The following NR1H4 variants were observed in gnomAD, a reference collection of about 807,000 sequenced individuals.
NR1H4 encodes nuclear receptor subfamily 1 group H member 4.
Under a neutral mutation model 58.5 loss-of-function variants are expected in NR1H4, and 23 were observed. That is an observed-to-expected ratio of 0.39 (90% CI 0.28 to 0.56). The LOEUF (loss-of-function observed/expected upper bound fraction) is 0.56. Ranked by LOEUF, NR1H4 falls within the 20% of genes least tolerant of loss-of-function variation. NR1H4 has a pLI of 0.58. For missense variants in NR1H4, 487 were observed against 576.9 expected (o/e 0.84, Z 1.60); for synonymous variants, 214 against 198.0 (o/e 1.08, Z -0.68).
intron 1 of NR1H4, among the ~76,000 whole-genome samples, chr12:100,474,875 T>C (rs778003082): frequency 2.6e-5 from 4 of 152,258 alleles, no homozygotes; most frequent in Non-Finnish European, 5.9e-5. Flanking sequence ...TATAAAGAAA[T>C]CTGATGCTGT....
intron 3 of NR1H4, among the ~76,000 whole-genome samples, chr12:100,493,849 A>G (rs1242123206): frequency 6.6e-6 from 1 of 152,200 alleles, no homozygotes; most frequent in Non-Finnish European, 1.5e-5. Context: ...TCTATGGCAC[A>G]GTGTCAGGAT....
At chr12:100,531,071 T>C (rs908044972) in intron 4 of NR1H4, among the ~76,000 whole-genome samples, 1 of 152,204 alleles carries the variant, frequency 6.6e-6, no homozygotes, top group Admixed American at 6.5e-5. Flanking sequence ...GACCTCAGTG[T>C]AAAAATTGTG....
rs968146093 is a variant in NR1H4, at chr12:100,564,286, T to G, written c.*797T>G. 2 of 152,224 alleles carry G rather than the reference T, an allele frequency of 1.3e-5. No homozygotes were observed. The highest frequency in any genetic ancestry group is 1.3e-4 in the Admixed American group (2 of 15,270). The allele number at this position is 152,224 out of a possible 1,614,324, so 9.4% of individuals were successfully genotyped here. ...TTGCTTTTGAAAACATTCCTACAGC[T>G]GGGAGCACAGCTGCTGTATACTTCC... On this transcript the variant is annotated 3_prime_UTR_variant, in exon 11 of 11. Transcript: ENST00000392986.
Position 100,542,357 on chromosome 12 carries a change from A to C in NR1H4, c.1078+1539A>C, listed in dbSNP as rs910587153. Among the ~76,000 whole-genome samples, 5 of 152,082 alleles carry C rather than the reference A, an allele frequency of 3.3e-5. 1 individual carries two copies. In the South Asian group the frequency reaches 1.0e-3, roughly 31 times the overall value. ...GTGAGACTCAGTCTGAAAAAAAAAG[A>C]AGCTTTGTGTCTTAACCACTATGCT... On this transcript the variant is annotated intron_variant, in intron 9 of 10. Coordinates refer to ENST00000392986, the MANE Select transcript of NR1H4 (RefSeq NM_001206979.2).
chr12:100,557,346 T>C (rs1955352655), intron 9 of NR1H4, among the ~76,000 whole-genome samples: 1 of 152,162 alleles, frequency 6.6e-6, no homozygotes, highest in African/African-American at 2.4e-5. Context: ...AAGTAAGAAC[T>C]CATTCATTAC....
intron 4 of NR1H4, among the ~76,000 whole-genome samples, chr12:100,526,125 G>T (rs1486448981): frequency 1.4e-5 from 2 of 147,870 alleles, no homozygotes; most frequent in African/African-American, 5.0e-5. Context: ...ACCAGCTTTT[G>T]GTTTCACTGG....
intron 3 of NR1H4, chr12:100,499,759 A>G: frequency 4.7e-6 from 2 of 426,990 alleles, no homozygotes; most frequent in South Asian, 1.7e-5. Flanking sequence ...AACAATAAAA[A>G]TAATTGTAAT....
intron 6 of NR1H4, among the ~76,000 whole-genome samples, chr12:100,536,003 T>C (rs993897513): frequency 3.3e-5 from 5 of 152,200 alleles, no homozygotes; most frequent in Non-Finnish European, 7.4e-5. Context: ...CAAATGAGTG[T>C]GACTGTGTTC....
At chr12:100,481,736 A>T (rs1236198972) in intron 1 of NR1H4, among the ~76,000 whole-genome samples, 2 of 151,860 alleles carry the variant, frequency 1.3e-5, no homozygotes, top group Non-Finnish European at 2.9e-5. Flanking sequence ...AACACGGTGA[A>T]ACCCCATCTC....
chr12:100,505,790 CTAAAT>C (rs749500231), intron 3 of NR1H4: 16 of 516,372 alleles, frequency 3.1e-5, no homozygotes, highest in South Asian at 9.0e-5. Flanking sequence ...AAAGCATACT[CTAAAT>C]TAAAGTCGAA....
At position 100,546,883 on chromosome 12, in the gene NR1H4, T is replaced by G. The variant is rs1955083914; in HGVS notation, c.1078+6065T>G. 2.0e-5 allele frequency among the ~76,000 whole-genome samples: 3 copies of G among 152,166 alleles called. No homozygotes were observed. In the South Asian group the frequency reaches 6.2e-4, roughly 32 times the overall value. ...CATTCACCAGATATCCTCAACTCTT[T>G]GTCTTTCTTTCACCTAAGAAAACCC... On this transcript the variant is annotated intron_variant, in intron 9 of 10. Transcript: ENST00000392986.
chr12:100,512,979 G>A (rs1018510107), intron 4 of NR1H4, among the ~76,000 whole-genome samples: 3 of 152,206 alleles, frequency 2.0e-5, no homozygotes, highest in African/African-American at 7.2e-5. Flanking sequence ...TAAAAACTGG[G>A]TATGATATTG....
At chr12:100,537,191 T>A (rs1373196800) in intron 8 of NR1H4, 144 bp downstream of exon 8, 1 of 623,660 alleles carries the variant, frequency 1.6e-6, no homozygotes, top group Non-Finnish European at 2.8e-6. Context: ...CTTTGCCAAG[T>A]ATTTTCACAT....
At chr12:100,546,055 AC>A (rs1209896051) in intron 9 of NR1H4, among the ~76,000 whole-genome samples, 2 of 151,954 alleles carry the variant, frequency 1.3e-5, no homozygotes, top group Non-Finnish European at 2.9e-5. Context: ...GCACTAACAC[AC>A]CCACTATGCT....
chr12:100,537,646 A>C (rs1250595463), intron 8 of NR1H4, among the ~76,000 whole-genome samples: 1 of 152,254 alleles, frequency 6.6e-6, no homozygotes, highest in Non-Finnish European at 1.5e-5. Context: ...CTAAAAGAAA[A>C]AGAAGTTTTC....
rs975543484 is a variant in NR1H4, at chr12:100,481,937, T to A, written c.-190+7878T>A. ...TCAAAAAAATAAAAATAAAAATAAA[T>A]AAATAAATAAATAAAATTAGCTGGG... On this transcript the variant is annotated intron_variant, in intron 1 of 10. Coordinates refer to ENST00000392986, the MANE Select transcript of NR1H4 (RefSeq NM_001206979.2). Among the ~76,000 whole-genome samples, 26 of 150,466 alleles carry A rather than the reference T, an allele frequency of 1.7e-4. No homozygotes were observed. In the East Asian group the frequency reaches 2.7e-3, roughly 16 times the overall value.
At chr12:100,497,513 A>G (rs1430182850) in intron 3 of NR1H4, among the ~76,000 whole-genome samples, 1 of 152,198 alleles carries the variant, frequency 6.6e-6, no homozygotes, top group African/African-American at 2.4e-5. Context: ...ACCTCCCTGA[A>G]GTCCTTTAAT....
At chr12:100,488,300 A>T (rs2081083191) in intron 1 of NR1H4, among the ~76,000 whole-genome samples, 1 of 152,178 alleles carries the variant, frequency 6.6e-6, no homozygotes, top group African/African-American at 2.4e-5. Context: ...GCATCCGGCC[A>T]TAATGTTGTT....
At chr12:100,491,193 G>T (rs1303868582) in intron 1 of NR1H4, among the ~76,000 whole-genome samples, 3 of 151,998 alleles carry the variant, frequency 2.0e-5, no homozygotes, top group East Asian at 1.9e-4. Context: ...GTGCCTTGGG[G>T]TCTCTTCATG....
Sources: allele counts gnomAD v4.1 joint callset (sites outside exome capture counted in the v4.1 genomes callset), GRCh38; gene constraint gnomAD v4.1.1; transcripts MANE v1.5; gene names NCBI Gene and HGNC (gene_info 2026-07-23, HGNC 2026-07-21).